The following TMEM72 variants were observed in gnomAD, a reference collection of about 807,000 sequenced individuals.
TMEM72 encodes the protein transmembrane protein 72, also known as kidney-specific secretory protein of 37 kDa.
TMEM72 carries 9 observed loss-of-function variants against 16.3 expected under a neutral mutation model. That is an observed-to-expected ratio of 0.55 (90% CI 0.33 to 0.96). The LOEUF is 0.96. TMEM72 is among the 40% of genes least tolerant of loss of function. TMEM72 has a pLI of 0.03. For synonymous variants in TMEM72, 160 were observed against 146.5 expected (o/e 1.09, Z -0.66); for missense variants, 324 against 337.8 (o/e 0.96, Z 0.32).
chr10:44,925,137 A>T (rs2132720596), intron 1 of TMEM72, among the ~76,000 whole-genome samples: 1 of 152,322 alleles, frequency 6.6e-6, no homozygotes, highest in South Asian at 2.1e-4. Context: ...TGCCACTTGT[A>T]TGTAATAACA....
chr10:44,933,608 T>A, intron 3 of TMEM72, 29 bp from the exon 4 acceptor site: 1 of 1,599,188 alleles, frequency 6.3e-7, no homozygotes, highest in Non-Finnish European at 8.6e-7. Flanking sequence ...CTGGGACACA[T>A]TATGCTAACC....
Position 44,931,981 on chromosome 10 carries a change from C to A in TMEM72, c.138-17C>A, listed in dbSNP as rs201042333. ...AAGACAGAGGCGCCAGCCTCCCTCACCTGTCTCCACCTGCAGGTTTACAGG... is the reference window on the plus strand; with the variant it reads ...AAGACAGAGGCGCCAGCCTCCCTCAACTGTCTCCACCTGCAGGTTTACAGG... On this transcript the variant is annotated splice_polypyrimidine_tract_variant and intron_variant, in intron 2 of 4. Coordinates refer to ENST00000389583, the MANE Select transcript of TMEM72 (RefSeq NM_001123376.3). The A allele has an allele frequency of 2.1e-3, 3,323 of 1,609,652 alleles. 15 individuals are homozygous for A. Among genetic ancestry groups the A allele is most frequent in the Non-Finnish European group, 2.2e-3 (2,590 of 1,177,950 alleles).
chr10:44,928,015 G>T, intron 2 of TMEM72, 28 bp downstream of exon 2: 1 of 1,611,212 alleles, frequency 6.2e-7, no homozygotes, highest in Non-Finnish European at 8.5e-7. Flanking sequence ...TGCCACTTTT[G>T]ACCTGCAAGT....
chr10:44,925,121 A>C (rs1840164848), intron 1 of TMEM72, among the ~76,000 whole-genome samples: 1 of 152,214 alleles, frequency 6.6e-6, no homozygotes, highest in African/African-American at 2.4e-5. Flanking sequence ...GGATGAGTTA[A>C]GTACTTGCCA....
At position 44,934,861 on chromosome 10, in the gene TMEM72, C is replaced by T. The variant is rs779792863; in HGVS notation, c.555C>T (p.His185=). 2.5e-6 allele frequency: 4 copies of T among 1,613,622 alleles called. No homozygotes were observed. In the Admixed American group the frequency reaches 5.0e-5, roughly 20 times the overall value. The change falls in exon 5 of 5, where the codon CAC becomes CAT. Residue 185 remains histidine (H), a synonymous_variant. Transcript: ENST00000389583. ...LKEGPSSLFI[H]MKSILKGTKK... The stretch of plus-strand genomic sequence containing the variant: ...AGGGGCCCAGCTCCCTTTTCATCCA[C>T]ATGAAGAGTATCCTGAAGGGGACTA...
intron 1 of TMEM72, among the ~76,000 whole-genome samples, chr10:44,913,945 T>C (rs1839975998): frequency 6.6e-6 from 1 of 152,270 alleles, no homozygotes; most frequent in South Asian, 2.1e-4. Context: ...TAGGAAGACA[T>C]GTGACCCAAG....
intron 1 of TMEM72, among the ~76,000 whole-genome samples, chr10:44,921,295 G>A (rs903281116): frequency 5.3e-5 from 8 of 152,158 alleles, no homozygotes; most frequent in African/African-American, 1.7e-4. Context: ...ACCTCTGTTG[G>A]GCTGGGGTGA....
chr10:44,929,905 G>A (rs12766848), intron 2 of TMEM72, among the ~76,000 whole-genome samples: 1 of 152,370 alleles, frequency 6.6e-6, no homozygotes, highest in East Asian at 1.9e-4. Context: ...AGCCCCTGCT[G>A]GCTGGCAGTG....
At chr10:44,911,733 G>A (rs1490306748) in intron 1 of TMEM72, 151 bp downstream of exon 1, 2 of 848,324 alleles carry the variant, frequency 2.4e-6, no homozygotes, top group Non-Finnish European at 1.9e-6. Context: ...ACACTGCTCT[G>A]TAGAGCAGCA....
At chr10:44,920,175 C>T (rs778361917) in intron 1 of TMEM72, 20 of 152,240 alleles carry the variant, frequency 1.3e-4, no homozygotes, top group Non-Finnish European at 2.2e-4. Context: ...ACAGTGAGTA[C>T]AAAATTCTCA....
At chr10:44,933,819 G>A (rs1840346935) in intron 4 of TMEM72, 43 bp downstream of exon 4, 1 of 1,565,364 alleles carries the variant, frequency 6.4e-7, no homozygotes, top group Admixed American at 1.8e-5. Flanking sequence ...AGCACAGGTG[G>A]ACTCTGAGCA....
intron 4 of TMEM72, 49 bp downstream of exon 4, chr10:44,933,825 G>T: frequency 6.5e-7 from 1 of 1,545,480 alleles, no homozygotes; most frequent in South Asian, 1.2e-5. Context: ...GGTGGACTCT[G>T]AGCAGGAGGA....
intron 1 of TMEM72, among the ~76,000 whole-genome samples, chr10:44,914,198 G>A (rs1386532035): frequency 6.6e-6 from 1 of 152,222 alleles, no homozygotes; most frequent in East Asian, 1.9e-4. Context: ...CCACCTCAGT[G>A]TCCAGCCCCA....
chr10:44,924,899 C>T (rs879742139), intron 1 of TMEM72, among the ~76,000 whole-genome samples: 3 of 152,240 alleles, frequency 2.0e-5, no homozygotes, highest in Non-Finnish European at 2.9e-5. Flanking sequence ...AGTGACCTCA[C>T]GCCCCTTAGT....
chr10:44,931,879 A>C, intron 2 of TMEM72, 119 bp from the exon 3 acceptor site: 1 of 982,856 alleles, frequency 1.0e-6, no homozygotes, highest in East Asian at 2.6e-5. Context: ...GTCTGGGGGA[A>C]TCCAGGTGAG....
At chr10:44,919,802 A>T (rs1324344787) in intron 1 of TMEM72, 1 of 152,208 alleles carries the variant, frequency 6.6e-6, no homozygotes, top group Non-Finnish European at 1.5e-5. Context: ...CCCTTTTCCC[A>T]CACTGTCTCT....
chr10:44,931,821 C>A, intron 2 of TMEM72, 177 bp from the exon 3 acceptor site: 1 of 657,508 alleles, frequency 1.5e-6, no homozygotes, highest in Non-Finnish European at 2.6e-6. Flanking sequence ...CCCAGCATGG[C>A]CCAGTCCGGA....
intron 1 of TMEM72, among the ~76,000 whole-genome samples, chr10:44,925,551 T>G (rs1028713777): frequency 1.3e-5 from 2 of 152,030 alleles, no homozygotes; most frequent in African/African-American, 4.8e-5. Flanking sequence ...CATGACACGC[T>G]TGGTATCAGT....
At chr10:44,921,856 C>T (rs779663908) in intron 1 of TMEM72, among the ~76,000 whole-genome samples, 5 of 152,250 alleles carry the variant, frequency 3.3e-5, no homozygotes, top group Non-Finnish European at 7.3e-5. Context: ...GCCTACACTG[C>T]GCCTGAGGGA....
Sources: allele counts gnomAD v4.1 joint callset (sites outside exome capture counted in the v4.1 genomes callset), GRCh38; gene constraint gnomAD v4.1.1; transcripts MANE v1.5; gene names NCBI Gene and HGNC (gene_info 2026-07-23, HGNC 2026-07-21).